Variants in PALLD observed in about 807,000 individuals in gnomAD.
PALLD encodes palladin.
Under a neutral mutation model 123.5 loss-of-function variants are expected in PALLD, and 61 were observed. The ratio of observed to expected loss-of-function variants is 0.49; its 90% CI spans 0.40 to 0.61. The LOEUF (loss-of-function observed/expected upper bound fraction) is 0.61. PALLD is among the 20% of genes least tolerant of loss of function. PALLD has a pLI of 0.00. For synonymous variants in PALLD, 465 were observed against 496.4 expected (o/e 0.94, Z 0.84); for missense variants, 1,273 against 1,377.0 (o/e 0.92, Z 1.20).
intron 2 of PALLD, among the ~76,000 whole-genome samples, chr4:168,599,467 A>G (rs531112475): frequency 1.3e-4 from 20 of 152,372 alleles, no homozygotes; most frequent in African/African-American, 4.8e-4. Context: ...ATAGACTGTC[A>G]CAGACAAACA....
intron 10 of PALLD, 113 bp downstream of exon 10, chr4:168,712,036 C>T (rs1331369302): frequency 8.6e-6 from 7 of 813,530 alleles, no homozygotes; most frequent in African/African-American, 1.7e-5. Flanking sequence ...GGCCTTGACT[C>T]ATGGGACCTT....
rs1487824779 is a variant in PALLD, at chr4:168,703,176, G to C, written c.1502-5852G>C. 5.9e-3 allele frequency among the ~76,000 whole-genome samples: 859 copies of C among 145,360 alleles called. 4 individuals are homozygous for C. Among genetic ancestry groups the C allele is most frequent in the Non-Finnish European group, 9.6e-3 (646 of 67,002 alleles). On this transcript the variant is annotated intron_variant, in intron 8 of 21. Coordinates refer to ENST00000505667, the MANE Select transcript of PALLD (RefSeq NM_001166108.2). ...ATGCGGTGTTTGGTTTTTTGTTCTT[G>C]CGATAGTTTACTGAGAATGATGATT...
chr4:168,788,302 C>CT (rs1737036494), intron 10 of PALLD, among the ~76,000 whole-genome samples: 1 of 152,050 alleles, frequency 6.6e-6, no homozygotes, highest in South Asian at 2.1e-4. Flanking sequence ...ATTCTACTTT[C>CT]TTTGTGTTTA....
intron 21 of PALLD, among the ~76,000 whole-genome samples, chr4:168,925,696 GAAAAAAA>G (rs1762448369): frequency 1.3e-5 from 2 of 151,978 alleles, no homozygotes; most frequent in Non-Finnish European, 2.9e-5. Context: ...AAAAACACTA[GAAAAAAA>G]TTAAGAATTT....
At chr4:168,827,973 G>A (rs894968848) in intron 10 of PALLD, among the ~76,000 whole-genome samples, 3 of 152,090 alleles carry the variant, frequency 2.0e-5, no homozygotes, top group Non-Finnish European at 2.9e-5. Flanking sequence ...CCCGGGAGGC[G>A]GAGGTTGCAG....
chr4:168,527,422 CAAAAAAAAAA>C (rs35555541), intron 2 of PALLD, among the ~76,000 whole-genome samples: 1 of 52,916 alleles, frequency 1.9e-5, no homozygotes, highest in Non-Finnish European at 3.0e-5. Flanking sequence ...AACTCCATCT[CAAAAAAAAAA>C]AAAAAAAAAA....
intron 2 of PALLD, among the ~76,000 whole-genome samples, chr4:168,549,147 C>A (rs1205314632): frequency 6.6e-6 from 1 of 152,076 alleles, no homozygotes; most frequent in Non-Finnish European, 1.5e-5. Context: ...AAATCACTTA[C>A]TCTCTATAAA....
intron 12 of PALLD, among the ~76,000 whole-genome samples, chr4:168,894,982 G>T (rs1754799624): frequency 1.3e-5 from 2 of 152,144 alleles, no homozygotes; most frequent in Non-Finnish European, 2.9e-5. Context: ...TTTGTGTGGA[G>T]AAACACATTT....
intron 2 of PALLD, among the ~76,000 whole-genome samples, chr4:168,534,280 C>A (rs561767203): frequency 1.4e-4 from 21 of 152,300 alleles, no homozygotes; most frequent in Admixed American, 8.5e-4. Context: ...CCACCAGGAG[C>A]AAGACCAGAG....
chr4:168,685,468 T>C lies in PALLD; in HGVS notation c.1261-17T>C, dbSNP rs746043743. On this transcript the variant is annotated splice_polypyrimidine_tract_variant and intron_variant, in intron 5 of 21. Transcript: ENST00000505667. ...TTATATATTTAGAATTTGATCCATA[T>C]GTCTCTGCTTTTGCAGGTTCACAGT... is the stretch of plus-strand genomic sequence containing the variant. 6.4e-7 allele frequency: 1 copy of C among 1,557,036 alleles called. No individual in the cohort carries two copies. Among genetic ancestry groups the C allele is most frequent in the African/African-American group, 1.4e-5 (1 of 73,612 alleles).
At chr4:168,571,355 C>T (rs988831800) in intron 2 of PALLD, among the ~76,000 whole-genome samples, 2 of 152,096 alleles carry the variant, frequency 1.3e-5, no homozygotes, top group Non-Finnish European at 2.9e-5. Context: ...TTCCCCTAAA[C>T]GTAAGCACTA....
At chr4:168,537,554 A>T (rs907613718) in intron 2 of PALLD, 5 of 152,212 alleles carry the variant, frequency 3.3e-5, no homozygotes, top group Admixed American at 2.6e-4. Flanking sequence ...TAATTATCTT[A>T]TATCAACCAG....
intron 10 of PALLD, among the ~76,000 whole-genome samples, chr4:168,754,702 G>A (rs1731536405): frequency 6.6e-6 from 1 of 152,064 alleles, no homozygotes; most frequent in African/African-American, 2.4e-5. Context: ...TCTATTCTGT[G>A]TTTGGCTCCA....
At chr4:168,926,018 C>T (rs960720888) in intron 21 of PALLD, among the ~76,000 whole-genome samples, 195 bp from the exon 22 acceptor site, 2 of 151,920 alleles carry the variant, frequency 1.3e-5, no homozygotes, top group Admixed American at 1.3e-4. Context: ...TGCTTTATTC[C>T]CACTATCCTG....
intron 2 of PALLD, among the ~76,000 whole-genome samples, chr4:168,614,342 C>T (rs1384773133): frequency 6.6e-6 from 1 of 152,170 alleles, no homozygotes; most frequent in Non-Finnish European, 1.5e-5. Flanking sequence ...GCTAGGGAGA[C>T]CCTTGTGCCC....
At chr4:168,709,724 A>T (rs1020900665) in intron 9 of PALLD, among the ~76,000 whole-genome samples, 3 of 151,928 alleles carry the variant, frequency 2.0e-5, no homozygotes, top group African/African-American at 7.2e-5. Context: ...GAGTCACCCT[A>T]ACAATCTAAG....
At chr4:168,565,412 C>A (rs766004873) in intron 2 of PALLD, among the ~76,000 whole-genome samples, 1 of 152,074 alleles carries the variant, frequency 6.6e-6, no homozygotes, top group Admixed American at 6.5e-5. Context: ...AGATGCAACA[C>A]CTCTGCAGGA....
intron 2 of PALLD, among the ~76,000 whole-genome samples, chr4:168,606,052 T>C (rs1162138557): frequency 1.3e-5 from 2 of 152,254 alleles, no homozygotes; most frequent in Non-Finnish European, 2.9e-5. Context: ...TTAACTTATA[T>C]TCCTATAAGT....
chr4:168,592,119 C>T (rs1398669240), intron 2 of PALLD, among the ~76,000 whole-genome samples: 10 of 150,968 alleles, frequency 6.6e-5, no homozygotes, highest in Admixed American at 4.7e-4. Context: ...GAGGTTCAAG[C>T]GATTCTCCTG....
Sources: allele counts gnomAD v4.1 joint callset (sites outside exome capture counted in the v4.1 genomes callset), GRCh38; gene constraint gnomAD v4.1.1; transcripts MANE v1.5; gene names NCBI Gene and HGNC (gene_info 2026-07-23, HGNC 2026-07-21).